The following CADM2 variants were observed in gnomAD, a reference collection of about 807,000 sequenced individuals.
The protein encoded by CADM2 is cell adhesion molecule 2.
CADM2 carries 12 observed loss-of-function variants against 49.8 expected under a neutral mutation model. The observed-to-expected ratio is 0.24, with a 90% CI of 0.15 to 0.39. The LOEUF is 0.39. CADM2 is among the 10% of genes least tolerant of loss of function. The pLI, the probability that CADM2 is intolerant of heterozygous loss-of-function variation, is 1.00. For missense variants in CADM2, 378 were observed against 492.3 expected, an observed-to-expected ratio of 0.77 and a Z score of 2.20; for synonymous variants, 214 against 175.4, an observed-to-expected ratio of 1.22 and a Z score of -1.74.
intron 1 of CADM2, among the ~76,000 whole-genome samples, chr3:85,438,788 T>G (rs2037050191): frequency 6.6e-6 from 1 of 152,116 alleles, no homozygotes. Flanking sequence ...TCCTCCTGCT[T>G]CAGCCTCCCA....
chr3:85,836,328 T>A (rs1420357942), intron 3 of CADM2, among the ~76,000 whole-genome samples: 1 of 151,624 alleles, frequency 6.6e-6, no homozygotes, highest in African/African-American at 2.4e-5. Flanking sequence ...AATAATTTAT[T>A]CCAGTGAAAG....
At chr3:85,609,451 C>G (rs12637027) in intron 1 of CADM2, among the ~76,000 whole-genome samples, 80,490 of 151,746 alleles carry the variant, frequency 0.53, 23,933 homozygotes, top group East Asian at 0.82. Flanking sequence ...AATTTACGTT[C>G]CTCATTCTAT....
intron 1 of CADM2, among the ~76,000 whole-genome samples, chr3:85,012,251 A>G (rs903533114): frequency 1.2e-4 from 18 of 151,464 alleles, no homozygotes; most frequent in Admixed American, 3.3e-4. Flanking sequence ...TTAATGGTGT[A>G]TCTCATGCAG....
intron 1 of CADM2, among the ~76,000 whole-genome samples, chr3:85,461,953 G>A (rs958775797): frequency 2.6e-5 from 4 of 152,124 alleles, no homozygotes; most frequent in Non-Finnish European, 5.9e-5. Context: ...CGCTGTTTCT[G>A]TAGAACTGAG....
At chr3:85,636,379 T>C (rs1476746982) in intron 1 of CADM2, among the ~76,000 whole-genome samples, 1 of 152,188 alleles carries the variant, frequency 6.6e-6, no homozygotes. Flanking sequence ...GAAAAAAGCT[T>C]ATAAAATAAG....
intron 1 of CADM2, among the ~76,000 whole-genome samples, chr3:85,459,647 A>AT (rs2038151410): frequency 6.6e-6 from 1 of 152,176 alleles, no homozygotes; most frequent in East Asian, 1.9e-4. Flanking sequence ...TTGATTTATG[A>AT]TTTTCCTTCT....
intron 1 of CADM2, among the ~76,000 whole-genome samples, chr3:85,308,923 T>A (rs1424733629): frequency 6.6e-6 from 1 of 152,022 alleles, no homozygotes; most frequent in South Asian, 2.1e-4. Flanking sequence ...TAGGAAAAAA[T>A]TATTTTTATA....
intron 8 of CADM2, among the ~76,000 whole-genome samples, chr3:86,025,320 G>C (rs766389069): frequency 1.4e-4 from 22 of 152,086 alleles, no homozygotes; most frequent in Non-Finnish European, 2.5e-4. Flanking sequence ...GCCTCCCAAA[G>C]TGCAGGGATT....
chr3:85,891,140 G>A (rs1433024810), intron 5 of CADM2, among the ~76,000 whole-genome samples: 2 of 152,118 alleles, frequency 1.3e-5, no homozygotes, highest in Non-Finnish European at 2.9e-5. Flanking sequence ...GGGCAGAGCT[G>A]CATCCAAAAC....
chr3:86,055,481 G>GTTTTTTTTTTTTTTTTTTTTT (rs1440467932), intron 8 of CADM2, among the ~76,000 whole-genome samples: 11 of 121,038 alleles, frequency 9.1e-5, no homozygotes, highest in Non-Finnish European at 9.8e-5. Flanking sequence ...TTTTTTTTTG[G>GTTTTTTTTTTTTTTTTTTTTT]TTTTAGAGGG....
chr3:85,317,444 G>A (rs1240763303), intron 1 of CADM2, among the ~76,000 whole-genome samples: 1 of 152,156 alleles, frequency 6.6e-6, no homozygotes, highest in Non-Finnish European at 1.5e-5. Flanking sequence ...ATTTCGGTCT[G>A]TTTTGTGCTG....
chr3:86,070,942 A>G lies in CADM2; in HGVS notation c.*4159A>G, dbSNP rs1036169977. Reference sequence around the variant, plus strand: ...GCAATATCTGCAGTTCTATTGCTGGATACTTAATGCAAAGGGATTTTAAAG... The same window carrying G: ...GCAATATCTGCAGTTCTATTGCTGGGTACTTAATGCAAAGGGATTTTAAAG... On this transcript the variant is annotated 3_prime_UTR_variant, in exon 10 of 10. Transcript: ENST00000383699. 6.6e-6 allele frequency: 1 copy of G among 151,898 alleles called. No individual in the cohort carries two copies. Among genetic ancestry groups the G allele is most frequent in the Admixed American group, 6.6e-5 (1 of 15,236 alleles). 9.4% of individuals were successfully genotyped at this position (151,898 alleles called of 1,614,324 possible). A position where few individuals can be genotyped will look rare whatever the true frequency, so the allele number is the denominator to read the frequency against.
intron 1 of CADM2, among the ~76,000 whole-genome samples, chr3:85,539,815 T>C (rs73132348): frequency 0.22 from 32,762 of 152,032 alleles, 4,003 homozygotes; most frequent in East Asian, 0.3. Context: ...AAGGTGAAGC[T>C]GAATAAATGG....
intron 1 of CADM2, among the ~76,000 whole-genome samples, chr3:85,447,225 A>T (rs2037511953): frequency 6.6e-6 from 1 of 151,694 alleles, no homozygotes; most frequent in Admixed American, 6.6e-5. Context: ...AATCTACATC[A>T]TCCTAGAAAC....
In CADM2 at chr3:85,267,609, G is replaced by C. The variant is rs556443132; in HGVS notation, c.61+307941G>C. Among the ~76,000 whole-genome samples the C allele has an allele frequency of 8.1e-4, 123 of 151,610 alleles. 1 individual carries two copies. In the Middle Eastern group the frequency reaches 0.024, roughly 29 times the overall value. On this transcript the variant is annotated intron_variant, in intron 1 of 9. Transcript: ENST00000383699. ...CAAAATAGAAAGTAAGTTCCATGAT[G>C]GCAGGGATTTTTTTTTACTGTTTTT...
chr3:85,930,021 A>C (rs899224273), intron 6 of CADM2, among the ~76,000 whole-genome samples: 2 of 152,062 alleles, frequency 1.3e-5, no homozygotes, highest in Non-Finnish European at 2.9e-5. Context: ...CTTGTGGTTA[A>C]TAAAAAGGCA....
At chr3:85,698,516 G>A (rs1006511621) in intron 1 of CADM2, among the ~76,000 whole-genome samples, 2 of 152,136 alleles carry the variant, frequency 1.3e-5, no homozygotes, top group Admixed American at 1.3e-4. Context: ...TTCTGGGGAA[G>A]CCTCAGGAAA....
intron 8 of CADM2, among the ~76,000 whole-genome samples, chr3:86,001,547 C>A (rs1291237989): frequency 1.3e-5 from 2 of 151,994 alleles, no homozygotes; most frequent in South Asian, 4.1e-4. Flanking sequence ...AAGGAAGAAA[C>A]CAAGGCTTCT....
intron 2 of CADM2, among the ~76,000 whole-genome samples, chr3:85,781,867 G>T (rs1226187253): frequency 6.6e-6 from 1 of 152,144 alleles, no homozygotes; most frequent in Non-Finnish European, 1.5e-5. Flanking sequence ...AAGAAAAACT[G>T]TAAAATGTTT....
Sources: gnomAD v4.1 joint callset for allele counts (sites outside exome capture counted in the v4.1 genomes callset) on GRCh38, gnomAD v4.1.1 for gene constraint, MANE v1.5 for transcripts, NCBI Gene and HGNC (gene_info 2026-07-23, HGNC 2026-07-21) for gene names.